Variants in OTOA observed in about 807,000 individuals in gnomAD.
The protein encoded by OTOA is otoancorin.
Under a neutral mutation model 110.8 loss-of-function variants are expected in OTOA, and 70 were observed. The observed-to-expected ratio is 0.63, with a 90% confidence interval of 0.52 to 0.77. The LOEUF (loss-of-function observed/expected upper bound fraction) is 0.77. Among genes scored for constraint, OTOA ranks in the 30% least tolerant of loss-of-function variants. The pLI, the probability that OTOA is intolerant of heterozygous loss-of-function variation, is 0.00. For synonymous variants in OTOA, 373 were observed against 431.5 expected (o/e 0.86, Z 1.68); for missense variants, 917 against 1,075.8 (o/e 0.85, Z 2.06).
At chr16:21,699,976 A>C (rs1898020045) in intron 10 of OTOA, among the ~76,000 whole-genome samples, 1 of 151,924 alleles carries the variant, frequency 6.6e-6, no homozygotes, top group Non-Finnish European at 1.5e-5. Context: ...AGAGTGAGTC[A>C]GTGTCCCCCC....
chr16:21,680,650 C>G (rs1966881334), intron 5 of OTOA, among the ~76,000 whole-genome samples: 1 of 152,010 alleles, frequency 6.6e-6, no homozygotes, highest in Non-Finnish European at 1.5e-5. Flanking sequence ...GCCAGGAGTT[C>G]CAGCCCAGCC....
intron 8 of OTOA, among the ~76,000 whole-genome samples, chr16:21,687,884 G>A (rs555523767): frequency 7.6e-4 from 116 of 151,866 alleles, no homozygotes; most frequent in African/African-American, 1.0e-3. Flanking sequence ...GGCTGGTTTC[G>A]AACTCCTGAC....
intron 15 of OTOA, 68 bp from the exon 16 acceptor site, chr16:21,719,065 T>A: frequency 6.8e-7 from 1 of 1,464,588 alleles, no homozygotes; most frequent in South Asian, 1.1e-5. Flanking sequence ...GCCTTCCTGA[T>A]AGGGCCTCAC....
chr16:21,701,622 T>C (rs1045279757), intron 11 of OTOA, among the ~76,000 whole-genome samples: 2 of 151,846 alleles, frequency 1.3e-5, no homozygotes, highest in African/African-American at 4.8e-5. Context: ...TTTCCTTTTA[T>C]TTATTTATTT....
intron 9 of OTOA, among the ~76,000 whole-genome samples, chr16:21,696,716 G>A (rs1897947787): frequency 6.6e-6 from 1 of 151,450 alleles, no homozygotes; most frequent in South Asian, 2.1e-4. Context: ...ATTACACCTG[G>A]CTAATTTTTC....
Position 21,695,233 on chromosome 16 carries a change from C to G in OTOA, c.740-2542C>G, listed in dbSNP as rs570888800. 2.6e-4 allele frequency among the ~76,000 whole-genome samples: 38 copies of G among 146,012 alleles called. 2 individuals carry two copies. Among genetic ancestry groups the G allele is most frequent in the Admixed American group, 1.3e-3 (19 of 14,654 alleles). ...TGGGCAATGTAGTGAGACCCCCCCC[C>G]CCCATACAAAAAAATTAAAAGATTA... is the stretch of plus-strand genomic sequence containing the variant. On this transcript the variant is annotated intron_variant, in intron 9 of 28. Transcript: ENST00000646100.
intron 15 of OTOA, 107 bp from the exon 16 acceptor site, chr16:21,719,026 T>C: frequency 9.0e-7 from 1 of 1,115,588 alleles, no homozygotes; most frequent in Non-Finnish European, 1.4e-6. Context: ...AGCCTCCATT[T>C]CCCCATCTGT....
At chr16:21,713,220 C>T (rs1444283547) in intron 13 of OTOA, among the ~76,000 whole-genome samples, 1 of 152,186 alleles carries the variant, frequency 6.6e-6, no homozygotes, top group Non-Finnish European at 1.5e-5. Context: ...TCGCCTTGGC[C>T]TCCCAAAGAG....
intron 1 of OTOA, among the ~76,000 whole-genome samples, chr16:21,667,895 C>G (rs186657112): frequency 6.6e-6 from 1 of 152,134 alleles, no homozygotes; most frequent in African/African-American, 2.4e-5. Context: ...TTTAAACAAC[C>G]TAAAAAATCA....
chr16:21,670,649 T>C (rs535975762), intron 1 of OTOA, among the ~76,000 whole-genome samples: 8 of 152,196 alleles, frequency 5.3e-5, no homozygotes, highest in Non-Finnish European at 1.0e-4. Context: ...TCTCAGAGCA[T>C]AGAATAATGC....
chr16:21,754,430 G>A (rs1242764095), intron 27 of OTOA, among the ~76,000 whole-genome samples: 1 of 108,842 alleles, frequency 9.2e-6, no homozygotes, highest in Non-Finnish European at 2.0e-5. Context: ...AAAGATAGCT[G>A]AGGCCGGGTG....
chr16:21,689,590 C>T (rs192482830), intron 8 of OTOA, among the ~76,000 whole-genome samples: 10 of 152,198 alleles, frequency 6.6e-5, no homozygotes, highest in East Asian at 1.9e-4. Flanking sequence ...TGACTTCAGA[C>T]GCAGCTGGAT....
Position 21,728,207 on chromosome 16 carries a change from G to A in OTOA, c.2017-34G>A, listed in dbSNP as rs1253369580. 1.9e-6 allele frequency: 3 copies of A among 1,612,938 alleles called. No individual in the cohort carries two copies. The African/African-American group carries it at 4.0e-5, about 22-fold the overall frequency. ...ATGGCTCACGATCTTATGCTCTGTTGGAACTGCCCATTGGCTCCACTTTTT... is the reference window on the plus strand; with the variant it reads ...ATGGCTCACGATCTTATGCTCTGTTAGAACTGCCCATTGGCTCCACTTTTT... On this transcript the variant is annotated intron_variant, in intron 19 of 28. Transcript: ENST00000646100.
intron 17 of OTOA, 95 bp from the exon 18 acceptor site, chr16:21,722,810 T>A: frequency 9.0e-7 from 1 of 1,105,748 alleles, no homozygotes; most frequent in South Asian, 1.3e-5. Flanking sequence ...AATGAACACG[T>A]ATGAAGCACT....
intron 11 of OTOA, among the ~76,000 whole-genome samples, chr16:21,701,946 C>A (rs948024078): frequency 7.6e-5 from 8 of 105,472 alleles, no homozygotes; most frequent in Non-Finnish European, 1.5e-4. Flanking sequence ...CCATTCAATC[C>A]TGTTTTTTTT....
intron 9 of OTOA, among the ~76,000 whole-genome samples, chr16:21,692,927 C>CAAAAAAAAA (rs34170544): frequency 1.0e-5 from 1 of 97,058 alleles, no homozygotes; most frequent in Non-Finnish European, 1.9e-5. Context: ...GACTCTGTCT[C>CAAAAAAAAA]AAAAAAAAAA....
At chr16:21,728,163 C>T (rs1898983762) in intron 19 of OTOA, 78 bp from the exon 20 acceptor site, 4 of 1,572,088 alleles carry the variant, frequency 2.5e-6, no homozygotes, top group Non-Finnish European at 3.5e-6. Context: ...CAGTGCCCAC[C>T]CCACAGGATG....
intron 14 of OTOA, among the ~76,000 whole-genome samples, chr16:21,716,567 T>C (rs1898560344): frequency 6.6e-6 from 1 of 151,762 alleles, no homozygotes; most frequent in Non-Finnish European, 1.5e-5. Context: ...GAGATTCCCA[T>C]CTCAAAAAAA....
chr16:21,695,234 C>CAA (rs1567372218), intron 9 of OTOA, among the ~76,000 whole-genome samples: 4 of 145,170 alleles, frequency 2.8e-5, no homozygotes, highest in Non-Finnish European at 6.1e-5. Flanking sequence ...ACCCCCCCCC[C>CAA]CCATACAAAA....
Sources: gnomAD v4.1 joint callset for allele counts (sites outside exome capture counted in the v4.1 genomes callset) on GRCh38, gnomAD v4.1.1 for gene constraint, MANE v1.5 for transcripts, NCBI Gene and HGNC (gene_info 2026-07-23, HGNC 2026-07-21) for gene names.